The following RELL1 variants were observed in gnomAD, a reference collection of about 807,000 sequenced individuals.
The protein encoded by RELL1 is RELT-like protein 1.
RELL1 carries 10 observed loss-of-function variants against 23.0 expected under a neutral mutation model. The ratio of observed to expected loss-of-function variants is 0.43; its 90% CI spans 0.27 to 0.74. The LOEUF is 0.74. RELL1 is among the 30% of genes least tolerant of loss of function. The pLI is 0.19. For missense variants in RELL1, 315 were observed against 364.4 expected, an observed-to-expected ratio of 0.86 and a Z score of 1.10; for synonymous variants, 146 against 146.8, an observed-to-expected ratio of 0.99 and a Z score of 0.04.
chr4:37,633,316 C>T lies in RELL1; in HGVS notation c.680+1571G>A, dbSNP rs997185227. 5.5e-5 allele frequency among the ~76,000 whole-genome samples: 8 copies of T among 145,796 alleles called. No homozygotes were observed. The East Asian group carries it at 1.1e-3, about 19-fold the overall frequency. On this transcript the variant is annotated intron_variant, in intron 5 of 6. Coordinates refer to ENST00000454158, the MANE Select transcript of RELL1 (RefSeq NM_001085400.2). The stretch of plus-strand genomic sequence containing the variant: ...CCCAGCTACTCGGGAGGCTGAGGCA[C>T]GACAATCGTTTGAGCCCAGGAGGCA...
intron 6 of RELL1, among the ~76,000 whole-genome samples, chr4:37,629,928 A>G (rs1427576632): frequency 6.6e-6 from 1 of 152,192 alleles, no homozygotes; most frequent in Non-Finnish European, 1.5e-5. Context: ...TCACACGTGC[A>G]ACTTCATGGA....
chr4:37,601,072 C>G (rs998917779), intron 6 of RELL1, among the ~76,000 whole-genome samples: 5 of 152,174 alleles, frequency 3.3e-5, no homozygotes, highest in African/African-American at 4.8e-5. Context: ...GCTGGTAGAT[C>G]TGGGTTCATT....
intron 1 of RELL1, among the ~76,000 whole-genome samples, chr4:37,655,491 TA>T (rs1721087578): frequency 1.3e-5 from 2 of 152,158 alleles, no homozygotes; most frequent in African/African-American, 4.8e-5. Context: ...ATGCTTCTTC[TA>T]CAAGCTAAGG....
chr4:37,602,883 A>C (rs1203312021), intron 6 of RELL1, among the ~76,000 whole-genome samples: 2 of 152,206 alleles, frequency 1.3e-5, no homozygotes, highest in Non-Finnish European at 2.9e-5. Context: ...AGCGGAACCG[A>C]ATCATTCTCA....
chr4:37,601,499 CA>C (rs1719014818), intron 6 of RELL1, among the ~76,000 whole-genome samples: 1 of 152,162 alleles, frequency 6.6e-6, no homozygotes, highest in Admixed American at 6.5e-5. Flanking sequence ...TCACAGACAG[CA>C]AAGGCATCTG....
intron 1 of RELL1, among the ~76,000 whole-genome samples, chr4:37,655,057 T>C (rs190013648): frequency 1.3e-5 from 2 of 152,286 alleles, no homozygotes; most frequent in African/African-American, 2.4e-5. Context: ...TGTTAGTCAT[T>C]TGAGAGTCAC....
rs1719345692 is a variant in RELL1, at chr4:37,610,702, GT to G, written c.*2643del. Among the ~76,000 whole-genome samples the G allele has an allele frequency of 6.6e-6, 1 of 152,164 alleles. No homozygotes were observed. Among genetic ancestry groups the G allele is most frequent in the Non-Finnish European group, 1.5e-5 (1 of 68,034 alleles). ...AAGTCATAAAAGTACAAACCAGACAGTTAAAAATACACTTGACACTCGAAAT... is the reference window on the plus strand; with the variant it reads ...AAGTCATAAAAGTACAAACCAGACAGTAAAAATACACTTGACACTCGAAAT... On this transcript the variant is annotated 3_prime_UTR_variant, in exon 7 of 7. Transcript: ENST00000454158. The surrounding 1 kb of genome is among the most constrained non-coding windows in gnomAD (Gnocchi z 4.1).
At chr4:37,604,926 C>CACACAGACACACACACACAT (rs1719146794) in intron 6 of RELL1, among the ~76,000 whole-genome samples, 1 of 55,956 alleles carries the variant, frequency 1.8e-5, no homozygotes, top group Admixed American at 2.0e-4. Context: ...CACAGACACA[C>CACACAGACACACACACACAT]ACACACAGAC....
chr4:37,618,867 TTTTTC>T lies in RELL1; in HGVS notation c.*4-5530_*4-5526del, dbSNP rs148419339. On this transcript the variant is annotated intron_variant, in intron 6 of 6. Transcript: ENST00000454158. ...TGATTTTTGTTTGGTTGGTTGGTCG[TTTTTC>T]TTTTCTTTTCTTTTCTTTTCTTTTG... Among the ~76,000 whole-genome samples, 493 of 150,754 alleles carry T rather than the reference TTTTTC, an allele frequency of 3.3e-3. 3 individuals carry two copies. The highest frequency in any genetic ancestry group is 9.6e-3 in the African/African-American group (395 of 41,264).
intron 1 of RELL1, among the ~76,000 whole-genome samples, chr4:37,664,364 C>T (rs1427226717): frequency 2.9e-5 from 4 of 139,480 alleles, no homozygotes; most frequent in Admixed American, 7.0e-5. Flanking sequence ...CAGAGTGAGA[C>T]TCCATCTCAA....
rs997071933 is a variant in RELL1, at chr4:37,649,449, G to C, written c.140C>G (p.Pro47Arg). The change falls in exon 2 of 7, where the codon CCC (proline) becomes CGC (arginine). Residue 47 changes from proline to arginine, a missense_variant. Coordinates refer to ENST00000454158, the MANE Select transcript of RELL1 (RefSeq NM_001085400.2). ...LHSRTETTPS[P>R]SNDTGNGHPE... is the part of the protein sequence containing the mutation. ...GTGTCCATTCCCAGTATCGTTGCTGGGCGACGGGGTCGTCTCTGTTCTGGA... is the reference window on the plus strand; with the variant it reads ...GTGTCCATTCCCAGTATCGTTGCTGCGCGACGGGGTCGTCTCTGTTCTGGA... 1.2e-6 allele frequency: 2 copies of C among 1,614,160 alleles called. No homozygotes were observed. The highest frequency in any genetic ancestry group is 8.5e-7 in the Non-Finnish European group (1 of 1,179,996).
chr4:37,662,146 A>G (rs752844877), intron 1 of RELL1, among the ~76,000 whole-genome samples: 12 of 152,242 alleles, frequency 7.9e-5, no homozygotes, highest in Admixed American at 1.3e-4. Flanking sequence ...ATGGAAGCTC[A>G]GACAACTTCC....
In RELL1 at chr4:37,611,985, C is replaced by T. The variant is rs933488902; in HGVS notation, c.*1361G>A. On this transcript the variant is annotated 3_prime_UTR_variant, in exon 7 of 7. Coordinates refer to ENST00000454158, the MANE Select transcript of RELL1 (RefSeq NM_001085400.2). Reference sequence around the variant, plus strand: ...GGTCAGGAGATCGAGACCATCTTCGCTAATGCGGTGAAACCCCGTCTCTCC... The same window carrying T: ...GGTCAGGAGATCGAGACCATCTTCGTTAATGCGGTGAAACCCCGTCTCTCC... 1.3e-5 allele frequency among the ~76,000 whole-genome samples: 2 copies of T among 150,994 alleles called. No homozygotes were observed. Among genetic ancestry groups the T allele is most frequent in the African/African-American group, 2.4e-5 (1 of 40,994 alleles).
At chr4:37,598,095 A>ATATATATAT (rs1174324006) in intron 6 of RELL1, among the ~76,000 whole-genome samples, 2 of 143,446 alleles carry the variant, frequency 1.4e-5, no homozygotes, top group African/African-American at 2.5e-5. Flanking sequence ...ATATATATAT[A>ATATATATAT]ACTCCTCCTA....
chr4:37,634,879 G>A lies in RELL1; in HGVS notation c.680+8C>T. ...CACACAAACCAAAAGCATCTGAAGG[G>A]ATCTTACCTGCCAACAGAAAGGACC... is the stretch of plus-strand genomic sequence containing the variant. On this transcript the variant is annotated splice_region_variant and intron_variant, in intron 5 of 6. Transcript: ENST00000454158. 4 of 1,613,044 alleles carry A rather than the reference G, an allele frequency of 2.5e-6. No individual in the cohort carries two copies. The highest frequency in any genetic ancestry group is 3.4e-6 in the Non-Finnish European group (4 of 1,178,964).
Position 37,660,803 on chromosome 4 carries a change from G to A in RELL1, c.89-11303C>T, listed in dbSNP as rs369474921. 5.3e-5 allele frequency among the ~76,000 whole-genome samples: 8 copies of A among 152,190 alleles called. No homozygotes were observed. The East Asian group carries it at 1.4e-3, about 26-fold the overall frequency. ...TCCCAGCACTTTGGGAGGCCAAGGCGGGCAGATCACAAGGTCAGGAGATCA... is the reference window on the plus strand; with the variant it reads ...TCCCAGCACTTTGGGAGGCCAAGGCAGGCAGATCACAAGGTCAGGAGATCA... On this transcript the variant is annotated intron_variant, in intron 1 of 6. Coordinates refer to ENST00000454158, the MANE Select transcript of RELL1 (RefSeq NM_001085400.2).
At chr4:37,628,041 A>AGAT (rs1478560573) in intron 6 of RELL1, among the ~76,000 whole-genome samples, 1 of 152,184 alleles carries the variant, frequency 6.6e-6, no homozygotes, top group African/African-American at 2.4e-5. Context: ...TGGGGGGATG[A>AGAT]GATTTGAAAA....
chr4:37,641,018 T>G (rs932060662), intron 3 of RELL1, among the ~76,000 whole-genome samples: 2 of 152,122 alleles, frequency 1.3e-5, no homozygotes, highest in Non-Finnish European at 2.9e-5. Flanking sequence ...ACCTGTAAAA[T>G]GATGACCACC....
At chr4:37,670,861 C>T (rs996011230) in intron 1 of RELL1, among the ~76,000 whole-genome samples, 10 of 152,134 alleles carry the variant, frequency 6.6e-5, no homozygotes, top group African/African-American at 2.4e-4. Context: ...CATGAGCCAC[C>T]GCACCCGGCC....
Sources: gnomAD v4.1 joint callset for allele counts (sites outside exome capture counted in the v4.1 genomes callset) on GRCh38, gnomAD v4.1.1 for gene constraint, Gnocchi (gnomAD v3.1) non-coding constraint, MANE v1.5 for transcripts, NCBI Gene and HGNC (gene_info 2026-07-23, HGNC 2026-07-21) for gene names.